IL1RAPL1: variants seen among roughly 807,000 people sequenced by gnomAD.
IL1RAPL1 encodes interleukin 1 receptor accessory protein like 1.
Under a neutral mutation model 48.4 loss-of-function variants are expected in IL1RAPL1, and 3 were observed. The observed-to-expected ratio is 0.06, with a 90% CI of 0.03 to 0.16. The LOEUF (loss-of-function observed/expected upper bound fraction) is 0.16. Ranked by LOEUF, IL1RAPL1 falls within the 10% of genes least tolerant of loss-of-function variation. The pLI is 1.00. For synonymous variants in IL1RAPL1, 185 were observed against 187.7 expected, an observed-to-expected ratio of 0.99 and a Z score of 0.12; for missense variants, 349 against 530.6, an observed-to-expected ratio of 0.66 and a Z score of 3.36.
In IL1RAPL1 at chrX:29,804,390, C is replaced by A. The variant is rs112703962; in HGVS notation, c.779-113074C>A. ...GGGAAGAGATACTGATATAGTTTGG[C>A]TGTGTCCCCACCCAAATCCCACCTT... On this transcript the variant is annotated intron_variant, in intron 6 of 10. Transcript: ENST00000378993. 9.2e-3 allele frequency among the ~76,000 whole-genome samples: 1,028 copies of A among 111,359 alleles called. 13 individuals are homozygous for A. Among genetic ancestry groups the A allele is most frequent in the African/African-American group, 0.032 (971 of 30,636 alleles).
intron 5 of IL1RAPL1, among the ~76,000 whole-genome samples, chrX:29,409,505 A>G (rs1267561003): frequency 9.0e-6 from 1 of 111,690 alleles, no homozygotes; most frequent in African/African-American, 3.2e-5. Flanking sequence ...AACCACTGAC[A>G]CTCATTACCT....
chrX:29,789,731 T>TG (rs1929585882), intron 6 of IL1RAPL1, among the ~76,000 whole-genome samples: 1 of 108,428 alleles, frequency 9.2e-6, no homozygotes, highest in Admixed American at 9.9e-5. Context: ...AACAAACTGG[T>TG]GAAAAAAAAA....
chrX:29,190,686 A>G (rs1162442738), intron 2 of IL1RAPL1, among the ~76,000 whole-genome samples: 1 of 112,387 alleles, frequency 8.9e-6, no homozygotes, highest in Non-Finnish European at 1.9e-5. Flanking sequence ...ATTATGAACT[A>G]TAATTAGTAC....
intron 5 of IL1RAPL1, among the ~76,000 whole-genome samples, chrX:29,418,108 T>C (rs1934241339): frequency 2.4e-5 from 1 of 41,392 alleles, no homozygotes; most frequent in Non-Finnish European, 4.5e-5. Flanking sequence ...TATATATATA[T>C]ATATATATAT....
At chrX:28,682,631 C>G (rs779101633) in intron 1 of IL1RAPL1, among the ~76,000 whole-genome samples, 3 of 111,670 alleles carry the variant, frequency 2.7e-5, no homozygotes, top group Non-Finnish European at 3.8e-5. Flanking sequence ...TCATCTTATC[C>G]ATAGAACTTG....
At chrX:29,702,470 T>C (rs6630944) in intron 6 of IL1RAPL1, among the ~76,000 whole-genome samples, 27,457 of 110,209 alleles carry the variant, frequency 0.25, 3,904 homozygotes, top group African/African-American at 0.54. Context: ...TAAGAATAGT[T>C]TTGCCATTAT....
rs1369547067 is a variant in IL1RAPL1, at chrX:28,963,442, AATATATCTGTAATTGATATCAAT to A, written c.82+174019_82+174041del. ...AATCAATTGCATGTTTTACTCTTAC[AATATATCTGTAATTGATATCAAT>A]AATTAATACATAGAAATTAATAAAT... On this transcript the variant is annotated intron_variant, in intron 2 of 10. Transcript: ENST00000378993. Among the ~76,000 whole-genome samples the A allele has an allele frequency of 2.3e-4, 26 of 111,336 alleles. No individual in the cohort carries two copies. In the South Asian group the frequency reaches 9.7e-3, roughly 42 times the overall value.
chrX:29,757,624 TTAGTTTC>T lies in IL1RAPL1; in HGVS notation c.778+89124_778+89130del, dbSNP rs1250295065. ...AATTAGAAACAAAACAAAAAGTCAA[TTAGTTTC>T]TAGCCTGTCCTTCAACTGTTTAAAA... On this transcript the variant is annotated intron_variant, in intron 6 of 10. Transcript: ENST00000378993. 8.9e-5 allele frequency among the ~76,000 whole-genome samples: 10 copies of T among 112,288 alleles called. No homozygotes were observed. In the South Asian group the frequency reaches 1.5e-3, roughly 17 times the overall value.
Position 29,625,607 on chromosome X carries a change from C to T in IL1RAPL1, c.704-42823C>T, listed in dbSNP as rs975253539. On this transcript the variant is annotated intron_variant, in intron 5 of 10. Transcript: ENST00000378993. ...ATATCATTTGCCGGTAGGACTGGTG[C>T]CCTTGTTTGTTGTGTTGTTTTAAAA... Among the ~76,000 whole-genome samples the T allele has an allele frequency of 3.6e-5, 4 of 111,383 alleles. No homozygotes were observed. The Admixed American group carries it at 3.8e-4, about 11-fold the overall frequency.
chrX:29,449,029 C>A (rs992526478), intron 5 of IL1RAPL1, among the ~76,000 whole-genome samples: 2 of 111,570 alleles, frequency 1.8e-5, no homozygotes, highest in Non-Finnish European at 3.8e-5. Flanking sequence ...CAAATACCAT[C>A]ACATTGGGGG....
intron 1 of IL1RAPL1, among the ~76,000 whole-genome samples, chrX:28,691,787 T>C (rs761434963): frequency 2.7e-5 from 3 of 111,963 alleles, no homozygotes; most frequent in Non-Finnish European, 5.6e-5. Context: ...TTTCTACCTA[T>C]AATTTTTAAT....
chrX:28,912,430 A>T (rs886507857), intron 2 of IL1RAPL1, among the ~76,000 whole-genome samples: 4 of 111,038 alleles, frequency 3.6e-5, no homozygotes, highest in Admixed American at 9.7e-5. Context: ...TCCGGATTTT[A>T]TGCTGGCTCC....
chrX:29,722,475 T>G (rs1334431138), intron 6 of IL1RAPL1, among the ~76,000 whole-genome samples: 1 of 112,325 alleles, frequency 8.9e-6, no homozygotes, highest in African/African-American at 3.2e-5. Context: ...ATCTTTTTCC[T>G]TCTGTTTTTC....
At position 29,941,723 on chromosome X, in the gene IL1RAPL1, T is replaced by C. The variant is rs745890321; in HGVS notation, c.1130T>C (p.Ile377Thr). 8.3e-7 allele frequency: 1 copy of C among 1,206,953 alleles called. No homozygotes were observed. Among genetic ancestry groups the C allele is most frequent in the South Asian group, 1.8e-5 (1 of 56,867 alleles). ...TTGCTGCTTGTATGTTTGGTGACCA[T>C]CTACAAGTGTTACAAGATAGAAATC... ...ILLLLVCLVT[I>T]YKCYKIEIML... The change falls in exon 9 of 11, where the codon ATC becomes ACC. Residue 377 changes from isoleucine (I) to threonine (T), a missense_variant. Coordinates refer to ENST00000378993, the MANE Select transcript of IL1RAPL1 (RefSeq NM_014271.4).
intron 6 of IL1RAPL1, among the ~76,000 whole-genome samples, chrX:29,688,940 G>A (rs1926706249): frequency 9.0e-6 from 1 of 110,702 alleles, no homozygotes; most frequent in Non-Finnish European, 1.9e-5. Context: ...AAAGCAAAGG[G>A]AAACATCCCT....
At chrX:29,424,983 A>G (rs1286164543) in intron 5 of IL1RAPL1, among the ~76,000 whole-genome samples, 1 of 111,924 alleles carries the variant, frequency 8.9e-6, no homozygotes, top group African/African-American at 3.2e-5. Context: ...CATTTTACAG[A>G]CAAAGAATCT....
chrX:29,277,541 G>A (rs1038866462), intron 2 of IL1RAPL1, among the ~76,000 whole-genome samples: 3 of 111,678 alleles, frequency 2.7e-5, no homozygotes. Flanking sequence ...TTCTCAGGCC[G>A]AAGTCAAGTG....
chrX:29,741,923 AAAAAAAAAAAAG>A (rs1928213412), intron 6 of IL1RAPL1, among the ~76,000 whole-genome samples: 1 of 91,785 alleles, frequency 1.1e-5, no homozygotes, highest in African/African-American at 4.4e-5. Context: ...AGACTCCGTC[AAAAAAAAAAAAG>A]AAAAAAAAAA....
At chrX:29,534,262 C>T (rs1350313023) in intron 5 of IL1RAPL1, among the ~76,000 whole-genome samples, 2 of 111,700 alleles carry the variant, frequency 1.8e-5, no homozygotes, top group East Asian at 2.8e-4. Flanking sequence ...TTCTGACTTA[C>T]GAGCCCTCTG....
Sources: gnomAD v4.1 joint callset for allele counts (sites outside exome capture counted in the v4.1 genomes callset) on GRCh38, gnomAD v4.1.1 for gene constraint, MANE v1.5 for transcripts, NCBI Gene and HGNC (gene_info 2026-07-23, HGNC 2026-07-21) for gene names.